CHD7: variants seen among roughly 807,000 people sequenced by gnomAD.
The protein encoded by CHD7 is chromodomain helicase DNA binding protein 7, also known as ATP-dependent chromatin remodeler CHD7.
CHD7 carries 24 observed loss-of-function variants against 307.3 expected under a neutral mutation model. That is an observed-to-expected ratio of 0.08 (90% CI 0.06 to 0.11). The LOEUF is 0.11. CHD7 is among the 10% of genes least tolerant of loss of function. The pLI, the probability that CHD7 is intolerant of heterozygous loss-of-function variation, is 1.00. For synonymous variants in CHD7, 1,363 were observed against 1,349.9 expected (o/e 1.01, Z -0.21); for missense variants, 3,106 against 3,727.1 (o/e 0.83, Z 4.34).
At chr8:60,796,455 G>A (rs1812039588) in intron 4 of CHD7, among the ~76,000 whole-genome samples, 1 of 152,064 alleles carries the variant, frequency 6.6e-6, no homozygotes, top group African/African-American at 2.4e-5. Context: ...GCTTAAAGCA[G>A]GACCTTTATG....
At chr8:60,802,843 C>T (rs766425085) in intron 6 of CHD7, among the ~76,000 whole-genome samples, 1 of 152,138 alleles carries the variant, frequency 6.6e-6, no homozygotes, top group Non-Finnish European at 1.5e-5. Flanking sequence ...GTAAACTTCT[C>T]TTTACTTTCA....
chr8:60,865,987 C>G lies in CHD7; in HGVS notation c.*54C>G. On this transcript the variant is annotated 3_prime_UTR_variant, in exon 38 of 38. Transcript: ENST00000423902. This position sits in a 1 kb window ranked among gnomAD's most constrained non-coding sequence, Gnocchi z 4.3. ...AAACTTTTGACAAGTGGTAGTCCTACTGTTTACACTCACAGTTAATGTTCA... is the reference window on the plus strand; with the variant it reads ...AAACTTTTGACAAGTGGTAGTCCTAGTGTTTACACTCACAGTTAATGTTCA... 1.4e-6 allele frequency: 2 copies of G among 1,411,790 alleles called. No individual in the cohort carries two copies. The highest frequency in any genetic ancestry group is 9.8e-7 in the Non-Finnish European group (1 of 1,020,434). The allele number at this position is 1,411,790 out of a possible 1,614,324, so 87.5% of individuals were successfully genotyped here. A position where few individuals can be genotyped will look rare whatever the true frequency, so the allele number is the denominator to read the frequency against.
At chr8:60,747,527 G>A (rs2150589521) in intron 2 of CHD7, among the ~76,000 whole-genome samples, 1 of 152,248 alleles carries the variant, frequency 6.6e-6, no homozygotes, top group South Asian at 2.1e-4. Context: ...TAGTGGCATT[G>A]TTTTATATTT....
At chr8:60,685,689 A>G (rs1158376802) in intron 1 of CHD7, among the ~76,000 whole-genome samples, 1 of 152,228 alleles carries the variant, frequency 6.6e-6, no homozygotes, top group East Asian at 1.9e-4. Flanking sequence ...TTAGTGGAGT[A>G]TGTATAAACC....
chr8:60,792,783 G>A (rs940212078), intron 3 of CHD7, among the ~76,000 whole-genome samples: 1 of 152,146 alleles, frequency 6.6e-6, no homozygotes, highest in Non-Finnish European at 1.5e-5. Flanking sequence ...CGTGTACATC[G>A]CTCTGGTATA....
intron 34 of CHD7, among the ~76,000 whole-genome samples, chr8:60,857,213 G>A (rs556991055): frequency 6.6e-6 from 1 of 152,270 alleles, no homozygotes; most frequent in East Asian, 1.9e-4. Flanking sequence ...AAGTTTCATT[G>A]ATATGTTTTA....
chr8:60,819,981 A>G (rs1445836233), intron 8 of CHD7, 26 bp from the exon 9 acceptor site: 5 of 1,473,048 alleles, frequency 3.4e-6, no homozygotes, highest in Non-Finnish European at 4.7e-6. Flanking sequence ...GTAAACCTTT[A>G]ACTTTTTTTT....
intron 1 of CHD7, among the ~76,000 whole-genome samples, chr8:60,730,240 G>T (rs1414290901): frequency 6.6e-6 from 1 of 152,238 alleles, no homozygotes; most frequent in Non-Finnish European, 1.5e-5. Context: ...CCAGATGACT[G>T]CTGGGGAATA....
intron 13 of CHD7, chr8:60,824,226 A>G (rs150545802): frequency 1.6e-4 from 83 of 530,140 alleles, no homozygotes; most frequent in Non-Finnish European, 2.5e-4. Flanking sequence ...GTTGTATTAT[A>G]GCAGAGTGTA....
chr8:60,835,424 A>G (rs775639763), intron 15 of CHD7, among the ~76,000 whole-genome samples: 3 of 152,236 alleles, frequency 2.0e-5, no homozygotes, highest in Non-Finnish European at 4.4e-5. Flanking sequence ...ATAGTTCAAG[A>G]TAGAATTTTT....
intron 1 of CHD7, among the ~76,000 whole-genome samples, chr8:60,685,031 G>A (rs1464427860): frequency 1.3e-5 from 2 of 152,148 alleles, no homozygotes; most frequent in Non-Finnish European, 2.9e-5. Context: ...GGGCATATAG[G>A]TTTCTAGCAT....
intron 15 of CHD7, among the ~76,000 whole-genome samples, chr8:60,831,583 T>C (rs1804522874): frequency 6.6e-6 from 1 of 151,696 alleles, no homozygotes; most frequent in South Asian, 2.1e-4. Context: ...TGATTAGAAA[T>C]ATGATTCAGG....
Position 60,836,838 on chromosome 8 carries a change from C to T in CHD7, c.4011C>T (p.Asp1337=), listed in dbSNP as rs551004072. 16 of 1,613,774 alleles carry T rather than the reference C, an allele frequency of 9.9e-6. No homozygotes were observed. The highest frequency in any genetic ancestry group is 1.6e-4 in the Middle Eastern group (1 of 6,062). The change falls in exon 17 of 38, where the codon GAC becomes GAT. Residue 1337 remains aspartate, a synonymous_variant. Transcript: ENST00000423902. Reference sequence around the variant, plus strand: ...CTAGGTACCCATATGAAAGGATCGACGGCCGAGTAAGAGGCAACCTCCGCC... The same window carrying T: ...CTAGGTACCCATATGAAAGGATCGATGGCCGAGTAAGAGGCAACCTCCGCC... ...IQRRYPYERI[D]GRVRGNLRQA... is the part of the protein sequence containing the mutation.
Position 60,826,736 on chromosome 8 carries a change from A to G in CHD7, c.3379-1927A>G, listed in dbSNP as rs76356067. 2.1e-3 allele frequency among the ~76,000 whole-genome samples: 315 copies of G among 152,324 alleles called. 1 individual carries two copies. Among genetic ancestry groups the G allele is most frequent in the African/African-American group, 6.5e-3 (270 of 41,576 alleles). ...CCTCCACAGGAGCTCTGGGAAAGCAACCATCTCGTTGTCCCCCATCCACGA... is the reference window on the plus strand; with the variant it reads ...CCTCCACAGGAGCTCTGGGAAAGCAGCCATCTCGTTGTCCCCCATCCACGA... On this transcript the variant is annotated intron_variant, in intron 13 of 37. Coordinates refer to ENST00000423902, the MANE Select transcript of CHD7 (RefSeq NM_017780.4).
chr8:60,862,578 G>A lies in CHD7; in HGVS notation c.8002G>A (p.Asp2668Asn). 1.3e-6 allele frequency: 2 copies of A among 1,578,012 alleles called. No individual in the cohort carries two copies. The highest frequency in any genetic ancestry group is 1.7e-6 in the Non-Finnish European group (2 of 1,160,734). The change falls in exon 37 of 38, where the codon GAT (aspartate) becomes AAT (asparagine). Residue 2668 changes from aspartate (D) to asparagine (N), a missense_variant. Asp to Asn is a conservative substitution (Grantham distance 23, BLOSUM62 1). This residue lies in a region of CHD7 where 59 missense variants were observed against 106.2 expected (regional missense o/e 0.56). Transcript: ENST00000423902. ...MGGAMAPPMK[D>N]LPRWLEENPE... is the part of the protein sequence containing the mutation. ...TGGAGCTATGGCGCCTCCAATGAAG[G>A]ATCTACCCAGGTGGCTGGAAGAAAA... is the stretch of plus-strand genomic sequence containing the variant.
chr8:60,781,395 T>C lies in CHD7; in HGVS notation c.2061T>C (p.Thr687=). ...PKEPKEKKAK[T]ATPKPKSSKK... ...AGCCAAAGGAAAAGAAAGCAAAAAC[T>C]GCCACGCCAAAACCCAAATCCAGCA... The change falls in exon 3 of 38, where the codon ACT becomes ACC. Residue 687 remains threonine (T), a synonymous_variant. Transcript: ENST00000423902. 6.6e-7 allele frequency: 1 copy of C among 1,524,326 alleles called. No individual in the cohort carries two copies. The highest frequency in any genetic ancestry group is 8.8e-7 in the Non-Finnish European group (1 of 1,140,516). 94.4% of individuals were successfully genotyped at this position (1,524,326 alleles called of 1,614,324 possible).
chr8:60,703,947 C>G (rs1318191654), intron 1 of CHD7, among the ~76,000 whole-genome samples: 1 of 152,186 alleles, frequency 6.6e-6, no homozygotes, highest in Non-Finnish European at 1.5e-5. Flanking sequence ...AGGCCCTCTG[C>G]TTGCACCCCC....
At chr8:60,795,158 G>A (rs749485175) in intron 4 of CHD7, 31 bp downstream of exon 4, 3 of 1,604,368 alleles carry the variant, frequency 1.9e-6, no homozygotes, top group South Asian at 1.1e-5. Flanking sequence ...CCCGAGCCTT[G>A]GTTATTTGGC....
intron 7 of CHD7, among the ~76,000 whole-genome samples, chr8:60,812,803 CTATT>C (rs1293067887): frequency 1.3e-5 from 2 of 151,038 alleles, no homozygotes; most frequent in South Asian, 4.1e-4. Context: ...AACTGCTTGT[CTATT>C]TATAAGCCAG....
Sources: gnomAD v4.1 joint callset for allele counts (sites outside exome capture counted in the v4.1 genomes callset) on GRCh38, gnomAD v4.1.1 for gene constraint, gnomAD v4.1.1 regional missense constraint, Gnocchi (gnomAD v3.1) non-coding constraint, MANE v1.5 for transcripts, NCBI Gene and HGNC (gene_info 2026-07-23, HGNC 2026-07-21) for gene names.